The following SH3KBP1 variants were observed in gnomAD, a reference collection of about 807,000 sequenced individuals.
SH3KBP1 encodes the protein SH3 domain containing kinase binding protein 1, also known as SH3 domain-containing kinase-binding protein 1.
A neutral mutation model predicts 50.1 loss-of-function variants in SH3KBP1; 8 were observed. The ratio of observed to expected loss-of-function variants is 0.16; its 90% CI spans 0.09 to 0.29. SH3KBP1 has a LOEUF of 0.29. SH3KBP1 is among the 10% of genes least tolerant of loss of function. SH3KBP1 has a pLI of 1.00. For missense variants in SH3KBP1, 377 were observed against 535.2 expected (o/e 0.70, Z 2.92); for synonymous variants, 227 against 218.6 (o/e 1.04, Z -0.34).
chrX:19,609,039 G>A (rs906700522), intron 8 of SH3KBP1, among the ~76,000 whole-genome samples: 1 of 112,827 alleles, frequency 8.9e-6, no homozygotes, highest in African/African-American at 3.2e-5. Context: ...TGGACACTGA[G>A]CCAGGTGCTA....
intron 8 of SH3KBP1, among the ~76,000 whole-genome samples, chrX:19,619,142 A>G (rs1022454873): frequency 8.4e-4 from 93 of 110,943 alleles, no homozygotes; most frequent in African/African-American, 2.8e-3. Context: ...TGGATGTGGT[A>G]GCGGGCACCT....
chrX:19,848,848 A>G (rs2068430346), intron 1 of SH3KBP1, among the ~76,000 whole-genome samples: 1 of 111,648 alleles, frequency 9.0e-6, no homozygotes, highest in South Asian at 3.7e-4. Flanking sequence ...GTCATGGCTC[A>G]CTAGAGCCTG....
At chrX:19,699,271 T>A (rs746165139) in intron 4 of SH3KBP1, among the ~76,000 whole-genome samples, 1 of 112,436 alleles carries the variant, frequency 8.9e-6, no homozygotes, top group Non-Finnish European at 1.9e-5. Flanking sequence ...TTTCTATAGT[T>A]AAGAAAAGAA....
chrX:19,570,862 A>AG (rs1241771917), intron 12 of SH3KBP1, among the ~76,000 whole-genome samples: 1 of 111,917 alleles, frequency 8.9e-6, no homozygotes, highest in East Asian at 2.8e-4. Flanking sequence ...AGGCTGAGGC[A>AG]GGAAGATCAC....
At chrX:19,840,632 A>C in intron 1 of SH3KBP1, among the ~76,000 whole-genome samples, 1 of 112,038 alleles carries the variant, frequency 8.9e-6, no homozygotes, top group Non-Finnish European at 1.9e-5. Flanking sequence ...ATGCCCCCAA[A>C]ACCCATTTCC....
At chrX:19,870,927 T>C in intron 1 of SH3KBP1, among the ~76,000 whole-genome samples, 1 of 111,820 alleles carries the variant, frequency 8.9e-6, no homozygotes, top group Middle Eastern at 4.6e-3. Flanking sequence ...CTGATCTTCA[T>C]GGTAGTGGGT....
At chrX:19,658,471 CT>C (rs1195191430) in intron 6 of SH3KBP1, among the ~76,000 whole-genome samples, 2 of 112,218 alleles carry the variant, frequency 1.8e-5, no homozygotes, top group African/African-American at 6.5e-5. Context: ...ACATTTATTC[CT>C]TTTTTTCCCC....
At chrX:19,766,632 T>C (rs1036343730) in intron 2 of SH3KBP1, among the ~76,000 whole-genome samples, 1 of 105,710 alleles carries the variant, frequency 9.5e-6, no homozygotes, top group South Asian at 4.4e-4. Flanking sequence ...GCCTCCCGAG[T>C]AGCTGGGACT....
intron 6 of SH3KBP1, among the ~76,000 whole-genome samples, chrX:19,671,431 C>A (rs549110445): frequency 6.9e-4 from 75 of 108,501 alleles, no homozygotes; most frequent in African/African-American, 2.4e-3. Context: ...GGAAAAACAG[C>A]CGTGGCTTTA....
intron 7 of SH3KBP1, among the ~76,000 whole-genome samples, chrX:19,643,300 A>ATTTT (rs201544483): frequency 0.025 from 2,183 of 86,640 alleles, 221 homozygotes; most frequent in African/African-American, 0.037. Flanking sequence ...AAACTGAAGA[A>ATTTT]TTTTTTATTT....
chrX:19,576,447 AG>A (rs201700110), intron 12 of SH3KBP1, among the ~76,000 whole-genome samples: 27 of 110,927 alleles, frequency 2.4e-4, no homozygotes, highest in African/African-American at 8.3e-4. Flanking sequence ...TAAAAAAAAA[AG>A]AAAAGAAAAG....
intron 15 of SH3KBP1, among the ~76,000 whole-genome samples, chrX:19,544,586 T>G (rs2065033766): frequency 8.9e-6 from 1 of 111,840 alleles, no homozygotes; most frequent in African/African-American, 3.3e-5. Flanking sequence ...CCATCCTGCA[T>G]CCTTGCGGAC....
intron 3 of SH3KBP1, among the ~76,000 whole-genome samples, chrX:19,718,139 TACACACAC>T (rs35514461): frequency 0.025 from 2,251 of 91,048 alleles, 77 homozygotes; most frequent in African/African-American, 0.085. Flanking sequence ...ATTTTATAAA[TACACACAC>T]ACACACACAC....
At chrX:19,823,330 T>C (rs4825317) in intron 2 of SH3KBP1, among the ~76,000 whole-genome samples, 33,711 of 111,561 alleles carry the variant, frequency 0.3, 6,668 homozygotes, top group African/African-American at 0.73. Context: ...AATATCAAGA[T>C]GTGAATAGGC....
intron 2 of SH3KBP1, among the ~76,000 whole-genome samples, chrX:19,810,159 C>T (rs2067164063): frequency 8.9e-6 from 1 of 111,869 alleles, no homozygotes; most frequent in Non-Finnish European, 1.9e-5. Flanking sequence ...CCAATCCCTG[C>T]CATCAGGACA....
intron 11 of SH3KBP1, among the ~76,000 whole-genome samples, chrX:19,590,236 GCT>G (rs1369909190): frequency 8.9e-6 from 1 of 112,217 alleles, no homozygotes; most frequent in Non-Finnish European, 1.9e-5. Flanking sequence ...AGGAGGAAGG[GCT>G]CTGTTGAAAT....
intron 5 of SH3KBP1, among the ~76,000 whole-genome samples, chrX:19,684,707 A>T (rs932942586): frequency 8.9e-6 from 1 of 112,262 alleles, no homozygotes; most frequent in African/African-American, 3.2e-5. Context: ...CCCAGAGGCC[A>T]GAATCCCCCA....
At chrX:19,556,337 AG>A (rs1169999993) in intron 13 of SH3KBP1, among the ~76,000 whole-genome samples, 1 of 108,753 alleles carries the variant, frequency 9.2e-6, no homozygotes, top group African/African-American at 3.4e-5. Context: ...CTAAACCCAC[AG>A]GGCCGCAGGT....
At chrX:19,825,287 G>T (rs1278420965) in intron 2 of SH3KBP1, among the ~76,000 whole-genome samples, 1 of 112,357 alleles carries the variant, frequency 8.9e-6, no homozygotes, top group Non-Finnish European at 1.9e-5. Context: ...CTTTTGAAGA[G>T]AATTATTTAA....
Sources: gnomAD v4.1 joint callset for allele counts (sites outside exome capture counted in the v4.1 genomes callset) on GRCh38, gnomAD v4.1.1 for gene constraint, MANE v1.5 for transcripts, NCBI Gene and HGNC (gene_info 2026-07-23, HGNC 2026-07-21) for gene names.